Variants in EYA1 observed in about 807,000 individuals in gnomAD.
EYA1 encodes protein phosphatase EYA1.
A neutral mutation model predicts 82.0 loss-of-function variants in EYA1; 16 were observed. The ratio of observed to expected loss-of-function variants is 0.20; its 90% CI spans 0.13 to 0.30. The LOEUF (loss-of-function observed/expected upper bound fraction) is 0.30, where lower values mean the gene tolerates loss of function less well. EYA1 is among the 10% of genes least tolerant of loss of function. The pLI, the probability that EYA1 is intolerant of heterozygous loss-of-function variation, is 1.00. For synonymous variants in EYA1, 261 were observed against 264.4 expected, an observed-to-expected ratio of 0.99 and a Z score of 0.12; for missense variants, 633 against 730.7, an observed-to-expected ratio of 0.87 and a Z score of 1.54.
At chr8:71,427,905 G>C (rs989178240) in intron 2 of EYA1, among the ~76,000 whole-genome samples, 1 of 151,736 alleles carries the variant, frequency 6.6e-6, no homozygotes, top group Non-Finnish European at 1.5e-5. Context: ...GCTTGAGCCT[G>C]GGAGGTCGAG....
intron 2 of EYA1, among the ~76,000 whole-genome samples, chr8:71,480,873 T>TA (rs1426719973): frequency 6.6e-6 from 1 of 152,200 alleles, no homozygotes; most frequent in Non-Finnish European, 1.5e-5. Flanking sequence ...ATATTAACTT[T>TA]AAAAGGTCTT....
At chr8:71,420,821 T>C (rs936235773) in intron 2 of EYA1, among the ~76,000 whole-genome samples, 12 of 152,206 alleles carry the variant, frequency 7.9e-5, no homozygotes, top group Admixed American at 3.3e-4. Flanking sequence ...CTCTTCTATA[T>C]TATTTTTAAA....
chr8:71,200,567 T>C lies in EYA1; in HGVS notation c.1699-1147A>G, dbSNP rs532880291. 1.2e-4 allele frequency among the ~76,000 whole-genome samples: 19 copies of C among 152,324 alleles called. No individual in the cohort carries two copies. The East Asian group carries it at 1.5e-3, about 12-fold the overall frequency. ...TTTTGGTGTATCTGTATATATGTTA[T>C]TGAGTGATAACAGAATAGTCCAGAA... On this transcript the variant is annotated intron_variant, in intron 17 of 17. Coordinates refer to ENST00000340726, the MANE Select transcript of EYA1 (RefSeq NM_000503.6).
intron 9 of EYA1, among the ~76,000 whole-genome samples, chr8:71,292,438 T>C (rs1819105928): frequency 6.6e-6 from 1 of 152,116 alleles, no homozygotes. Context: ...GACACTGTCT[T>C]ACAGTCTTTG....
chr8:71,413,243 G>A (rs748509195), intron 2 of EYA1, among the ~76,000 whole-genome samples: 13 of 152,200 alleles, frequency 8.5e-5, no homozygotes, highest in Non-Finnish European at 1.6e-4. Context: ...ATATGGTGGT[G>A]GTGATGACAG....
chr8:71,428,134 A>G (rs1464319244), intron 2 of EYA1, among the ~76,000 whole-genome samples: 1 of 152,128 alleles, frequency 6.6e-6, no homozygotes, highest in Non-Finnish European at 1.5e-5. Flanking sequence ...CTTATAGGAG[A>G]AAGTATTACT....
chr8:71,408,018 G>A (rs1408653329), intron 2 of EYA1, among the ~76,000 whole-genome samples: 5 of 151,656 alleles, frequency 3.3e-5, no homozygotes, highest in Admixed American at 1.3e-4. Context: ...ACTAACAGCG[G>A]ATCTCTCGGC....
chr8:71,525,158 T>A (rs1813713787), intron 2 of EYA1, among the ~76,000 whole-genome samples: 1 of 152,138 alleles, frequency 6.6e-6, no homozygotes, highest in African/African-American at 2.4e-5. Flanking sequence ...AGCAGCTGAG[T>A]CAGGGCTCCA....
chr8:71,389,306 ATATT>A (rs1166297197), intron 2 of EYA1, among the ~76,000 whole-genome samples: 1 of 151,972 alleles, frequency 6.6e-6, no homozygotes, highest in Non-Finnish European at 1.5e-5. Flanking sequence ...TTGTTAAATG[ATATT>A]TATTTATATT....
chr8:71,238,419 G>T (rs2128893797), intron 12 of EYA1, among the ~76,000 whole-genome samples: 1 of 152,130 alleles, frequency 6.6e-6, no homozygotes, highest in South Asian at 2.1e-4. Context: ...CTTTCAAATA[G>T]AACTTAGAAC....
At chr8:71,274,865 GGA>G (rs140773864) in intron 9 of EYA1, among the ~76,000 whole-genome samples, 4 of 149,500 alleles carry the variant, frequency 2.7e-5, no homozygotes, top group Admixed American at 2.0e-4. Context: ...AGGTAAAGTG[GGA>G]GAGAGAGAGA....
At chr8:71,546,765 C>T (rs1362796918) in intron 1 of EYA1, among the ~76,000 whole-genome samples, 1 of 152,088 alleles carries the variant, frequency 6.6e-6, no homozygotes, top group Non-Finnish European at 1.5e-5. Context: ...GGGCCTCCCA[C>T]AGTGCTGGGA....
chr8:71,444,880 A>G (rs530213704), intron 2 of EYA1, among the ~76,000 whole-genome samples: 2 of 152,310 alleles, frequency 1.3e-5, no homozygotes, highest in Non-Finnish European at 2.9e-5. Flanking sequence ...GCCATTACCA[A>G]CCTATTTGTG....
chr8:71,457,557 T>C (rs1808036340), intron 2 of EYA1, among the ~76,000 whole-genome samples: 1 of 152,208 alleles, frequency 6.6e-6, no homozygotes, highest in Non-Finnish European at 1.5e-5. Flanking sequence ...GTGGCATATA[T>C]ACACCATGGA....
intron 4 of EYA1, among the ~76,000 whole-genome samples, chr8:71,332,101 C>T (rs1823945868): frequency 6.6e-6 from 1 of 152,136 alleles, no homozygotes. Context: ...GATTCTCCTG[C>T]CTCTGCATCC....
chr8:71,354,671 A>G lies in EYA1; in HGVS notation c.124+111T>C, dbSNP rs2129069553. The G allele has an allele frequency of 1.9e-5, 20 of 1,052,762 alleles. 1 individual carries two copies. Among genetic ancestry groups the G allele is most frequent in the Middle Eastern group, 2.6e-4 (1 of 3,842 alleles). The allele number at this position is 1,052,762 out of a possible 1,614,324, so 65.2% of individuals were successfully genotyped here. On this transcript the variant is annotated intron_variant, in intron 3 of 17. Coordinates refer to ENST00000340726, the MANE Select transcript of EYA1 (RefSeq NM_000503.6). ...TCACATTATTACCTAAAGGGGAAAT[A>G]TAAGAGTAGTTTTATGATTTTGACA...
chr8:71,275,824 C>A (rs887037149), intron 9 of EYA1, among the ~76,000 whole-genome samples: 2 of 152,184 alleles, frequency 1.3e-5, no homozygotes, highest in African/African-American at 2.4e-5. Flanking sequence ...CCTCTAATGG[C>A]CAAATCCAAT....
intron 2 of EYA1, among the ~76,000 whole-genome samples, chr8:71,513,208 C>G (rs1205800936): frequency 6.6e-6 from 1 of 151,586 alleles, no homozygotes; most frequent in African/African-American, 2.4e-5. Flanking sequence ...AGAATGGTGA[C>G]AAAATGTAAA....
intron 7 of EYA1, among the ~76,000 whole-genome samples, chr8:71,316,271 T>C (rs1821915201): frequency 6.6e-6 from 1 of 152,154 alleles, no homozygotes; most frequent in Non-Finnish European, 1.5e-5. Flanking sequence ...AGAAATTCTA[T>C]ACTTAAACTT....
Sources: gnomAD v4.1 joint callset for allele counts (sites outside exome capture counted in the v4.1 genomes callset) on GRCh38, gnomAD v4.1.1 for gene constraint, MANE v1.5 for transcripts, NCBI Gene and HGNC (gene_info 2026-07-23, HGNC 2026-07-21) for gene names.